Variants in IQSEC3 observed in about 807,000 individuals in gnomAD.
IQSEC3 encodes the protein IQ motif and SEC7 domain-containing protein 3.
In IQSEC3, 50 loss-of-function variants were observed where a neutral mutation model predicts 105.4. The ratio of observed to expected loss-of-function variants is 0.47; its 90% CI spans 0.38 to 0.60. The LOEUF (loss-of-function observed/expected upper bound fraction) is 0.60. IQSEC3 is among the 20% of genes least tolerant of loss of function. IQSEC3 has a pLI of 0.00. For synonymous variants in IQSEC3, 708 were observed against 746.0 expected (o/e 0.95, Z 0.83); for missense variants, 1,415 against 1,630.0 (o/e 0.87, Z 2.27).
At chr12:169,153 G>A (rs782581703) in intron 12 of IQSEC3, 48 bp downstream of exon 12, 23 of 1,518,398 alleles carry the variant, frequency 1.5e-5, no homozygotes, top group African/African-American at 6.9e-5. Context: ...GAGGCCACTC[G>A]GGGACCCTGG....
chr12:87,613 G>A (rs1198033782), intron 1 of IQSEC3, among the ~76,000 whole-genome samples: 1 of 152,188 alleles, frequency 6.6e-6, no homozygotes, highest in Non-Finnish European at 1.5e-5. Context: ...GACTGCAGAA[G>A]GAAAGAGTTG....
intron 1 of IQSEC3, among the ~76,000 whole-genome samples, chr12:81,566 T>C (rs1863746910): frequency 6.6e-6 from 1 of 151,990 alleles, no homozygotes; most frequent in Non-Finnish European, 1.5e-5. Context: ...AGCTCAAGGT[T>C]TGGGGCCAAA....
At chr12:155,421 C>T (rs1371553450) in intron 5 of IQSEC3, among the ~76,000 whole-genome samples, 4 of 152,308 alleles carry the variant, frequency 2.6e-5, no homozygotes, top group South Asian at 2.1e-4. Flanking sequence ...GCCCTGCCTA[C>T]GGGAGAGAGG....
At chr12:77,951 G>GC (rs1180952783) in intron 1 of IQSEC3, among the ~76,000 whole-genome samples, 1 of 150,288 alleles carries the variant, frequency 6.7e-6, no homozygotes, top group Non-Finnish European at 1.5e-5. Context: ...CGGCCCACGC[G>GC]CCCCCTCCCA....
At chr12:114,777 C>T (rs1335423861) in intron 2 of IQSEC3, among the ~76,000 whole-genome samples, 1 of 152,202 alleles carries the variant, frequency 6.6e-6, no homozygotes, top group Non-Finnish European at 1.5e-5. Context: ...CAGGGAAAGG[C>T]TTATGGCCTG....
intron 3 of IQSEC3, among the ~76,000 whole-genome samples, chr12:135,317 T>C (rs1331964733): frequency 2.0e-5 from 3 of 152,158 alleles, no homozygotes; most frequent in African/African-American, 7.2e-5. Flanking sequence ...TCAGGGAATG[T>C]GTCAAAGTTC....
At chr12:92,598 C>T (rs1016469623) in intron 1 of IQSEC3, among the ~76,000 whole-genome samples, 1 of 152,228 alleles carries the variant, frequency 6.6e-6, no homozygotes. Context: ...TTTACTTCTC[C>T]AGCAGCGATG....
chr12:80,895 C>T (rs1863722917), intron 1 of IQSEC3, among the ~76,000 whole-genome samples: 1 of 152,162 alleles, frequency 6.6e-6, no homozygotes, highest in African/African-American at 2.4e-5. Context: ...GGACAAACAG[C>T]TAGCATAGAG....
chr12:79,234 C>T lies in IQSEC3; in HGVS notation c.554+11798C>T, dbSNP rs7957149. On this transcript the variant is annotated intron_variant, in intron 1 of 13. Coordinates refer to ENST00000538872, the MANE Select transcript of IQSEC3 (RefSeq NM_001170738.2). ...GGCACAGGGAGGCCCTCCCTCACCC[C>T]CCGCCTAGCTTTGGATGGTGGCTAG... 6.7e-3 allele frequency among the ~76,000 whole-genome samples: 1,011 copies of T among 151,978 alleles called. 10 individuals carry two copies. The highest frequency in any genetic ancestry group is 0.023 in the African/African-American group (965 of 41,430).
At chr12:135,414 G>A (rs1555086092) in intron 3 of IQSEC3, among the ~76,000 whole-genome samples, 1 of 152,226 alleles carries the variant, frequency 6.6e-6, no homozygotes, top group Non-Finnish European at 1.5e-5. Context: ...TCTTATGGGT[G>A]CATGAGGTCA....
chr12:148,682 G>A (rs1329509953), intron 5 of IQSEC3: 1 of 152,188 alleles, frequency 6.6e-6, no homozygotes, highest in East Asian at 1.9e-4. Flanking sequence ...CTCTCTGGAG[G>A]ATGGGGATAT....
At chr12:162,401 G>A (rs1471535313) in intron 8 of IQSEC3, among the ~76,000 whole-genome samples, 1 of 152,080 alleles carries the variant, frequency 6.6e-6, no homozygotes, top group Non-Finnish European at 1.5e-5. Flanking sequence ...TTCCTGGATG[G>A]TCCTGATGAG....
At chr12:135,056 G>C (rs546736723) in intron 3 of IQSEC3, among the ~76,000 whole-genome samples, 1 of 152,352 alleles carries the variant, frequency 6.6e-6, no homozygotes, top group South Asian at 2.1e-4. Flanking sequence ...CTTGAACCCA[G>C]GAGGCGGAGG....
intron 2 of IQSEC3, among the ~76,000 whole-genome samples, chr12:102,921 T>C (rs1324866841): frequency 6.6e-6 from 1 of 152,098 alleles, no homozygotes; most frequent in Admixed American, 6.5e-5. Context: ...TGTGCCCTGG[T>C]TCCCCAAACC....
At position 66,834 on chromosome 12, in the gene IQSEC3, C is replaced by T. The variant is rs1863104849; in HGVS notation, c.-49C>T. On this transcript the variant is annotated 5_prime_UTR_variant, in exon 1 of 14. Coordinates refer to ENST00000538872, the MANE Select transcript of IQSEC3 (RefSeq NM_001170738.2). ...TGCTGGGCTCCCGCGCCCTCGCGCT[C>T]CCCGCCGCCAGCCCAGGCGCAGGCA... 1 of 1,336,188 alleles carries T rather than the reference C, an allele frequency of 7.5e-7. No individual in the cohort carries two copies. Among genetic ancestry groups the T allele is most frequent in the Non-Finnish European group, 9.5e-7 (1 of 1,049,934 alleles). 82.8% of individuals were successfully genotyped at this position (1,336,188 alleles called of 1,614,324 possible).
At chr12:88,071 A>G (rs1863973914) in intron 1 of IQSEC3, among the ~76,000 whole-genome samples, 1 of 152,218 alleles carries the variant, frequency 6.6e-6, no homozygotes, top group African/African-American at 2.4e-5. Context: ...GGCTTCCCGA[A>G]GCAGCAGGAG....
intron 13 of IQSEC3, among the ~76,000 whole-genome samples, chr12:173,378 C>T (rs117575159): frequency 6.6e-6 from 1 of 152,306 alleles, no homozygotes; most frequent in Non-Finnish European, 1.5e-5. Flanking sequence ...GCCTGCGGAG[C>T]CTCGGGAGGG....
Position 125,672 on chromosome 12 carries a change from C to G in IQSEC3, c.663C>G (p.Asp221Glu). 1 of 1,540,508 alleles carries G rather than the reference C, an allele frequency of 6.5e-7. No individual in the cohort carries two copies. Among genetic ancestry groups the G allele is most frequent in the South Asian group, 1.2e-5 (1 of 80,458 alleles). Residue 221 changes from aspartate to glutamate, a missense_variant, in exon 3 of 14, where the codon GAC becomes GAG. Coordinates refer to ENST00000538872, the MANE Select transcript of IQSEC3 (RefSeq NM_001170738.2). ...SCTQAGGGME[D>E]SVVAAAAVAA... ...CCCAGGCCGGTGGGGGCATGGAGGA[C>G]TCCGTGGTGGCAGCGGCGGCGGTGG...
chr12:164,315 A>G (rs1199550790), intron 9 of IQSEC3, among the ~76,000 whole-genome samples: 1 of 152,126 alleles, frequency 6.6e-6, no homozygotes, highest in African/African-American at 2.4e-5. Flanking sequence ...TGGTACATTC[A>G]GTGAACCACA....
Sources: allele counts gnomAD v4.1 joint callset (sites outside exome capture counted in the v4.1 genomes callset), GRCh38; gene constraint gnomAD v4.1.1; transcripts MANE v1.5; gene names NCBI Gene and HGNC (gene_info 2026-07-23, HGNC 2026-07-21).